Variants in MCU observed in about 807,000 individuals in gnomAD.
MCU encodes mitochondrial calcium uniporter, also known as calcium uniporter protein, mitochondrial.
A neutral mutation model predicts 45.2 loss-of-function variants in MCU; 12 were observed. The observed-to-expected ratio is 0.27, with a 90% CI of 0.17 to 0.43. The LOEUF (loss-of-function observed/expected upper bound fraction) is 0.43. Among genes scored for constraint, MCU ranks in the 20% least tolerant of loss-of-function variants. MCU has a pLI of 1.00. For synonymous variants in MCU, 160 were observed against 165.1 expected (o/e 0.97, Z 0.24); for missense variants, 324 against 436.7 (o/e 0.74, Z 2.30).
chr10:72,810,020 GTTTGTA>G (rs1564563676), intron 1 of MCU, among the ~76,000 whole-genome samples: 14 of 111,002 alleles, frequency 1.3e-4, no homozygotes, highest in Middle Eastern at 5.4e-3. Flanking sequence ...GTGTGTGTGT[GTTTGTA>G]TGTGTGTGCG....
intron 4 of MCU, among the ~76,000 whole-genome samples, chr10:72,862,722 A>C (rs1845397706): frequency 6.6e-6 from 1 of 151,984 alleles, no homozygotes; most frequent in Non-Finnish European, 1.5e-5. Flanking sequence ...GGGGTGGGGG[A>C]CCACTGCTGT....
chr10:72,860,345 G>A lies in MCU; in HGVS notation c.392-78G>A, dbSNP rs558361063. 49 of 1,253,630 alleles carry A rather than the reference G, an allele frequency of 3.9e-5. 1 individual carries two copies. In the East Asian group the frequency reaches 9.4e-4, roughly 24 times the overall value. 77.7% of individuals were successfully genotyped at this position (1,253,630 alleles called of 1,614,324 possible). A position where few individuals can be genotyped will look rare whatever the true frequency, so the allele number is the denominator to read the frequency against. The stretch of plus-strand genomic sequence containing the variant: ...AAAGGAAGAGGTAATTTTTAAAAAC[G>A]ATTTTGAAGATTGAATTTTCCTGAC... On this transcript the variant is annotated intron_variant, in intron 3 of 7. Transcript: ENST00000373053.
chr10:72,804,473 T>C (rs1410889942), intron 1 of MCU, among the ~76,000 whole-genome samples: 1 of 152,190 alleles, frequency 6.6e-6, no homozygotes, highest in Non-Finnish European at 1.5e-5. Context: ...AATTACCTGA[T>C]ACACTTCTAT....
chr10:72,779,429 A>AT, intron 1 of MCU, among the ~76,000 whole-genome samples: 1 of 152,364 alleles, frequency 6.6e-6, no homozygotes, highest in African/African-American at 2.4e-5. Flanking sequence ...AAAAGAGAAA[A>AT]TAGACTTCAT....
chr10:72,809,905 G>A (rs1380973703), intron 1 of MCU, among the ~76,000 whole-genome samples: 2 of 151,784 alleles, frequency 1.3e-5, no homozygotes, highest in Non-Finnish European at 2.9e-5. Context: ...GGAGGGAGGA[G>A]GTAGTCAGCA....
chr10:72,832,124 C>T (rs1222918202), intron 1 of MCU, among the ~76,000 whole-genome samples: 1 of 152,038 alleles, frequency 6.6e-6, no homozygotes, highest in Non-Finnish European at 1.5e-5. Flanking sequence ...TGGAGTGCAA[C>T]GGCACGATCA....
chr10:72,728,972 T>G (rs1355649828), intron 1 of MCU, among the ~76,000 whole-genome samples: 1 of 152,178 alleles, frequency 6.6e-6, no homozygotes, highest in Non-Finnish European at 1.5e-5. Flanking sequence ...GCCTTCTGTT[T>G]TTATTCTAGT....
In MCU at chr10:72,778,538, G is replaced by A. The variant is rs187345510; in HGVS notation, c.151-55821G>A. The stretch of plus-strand genomic sequence containing the variant: ...GGCTGGGAATGGTTGGAGCCGGGGG[G>A]TGGGGTTTGGGAGGCATGGGTAGAG... On this transcript the variant is annotated intron_variant, in intron 1 of 7. Coordinates refer to ENST00000373053, the MANE Select transcript of MCU (RefSeq NM_138357.3). 1.7e-4 allele frequency among the ~76,000 whole-genome samples: 26 copies of A among 152,232 alleles called. No individual in the cohort carries two copies. The East Asian group carries it at 4.4e-3, about 26-fold the overall frequency.
intron 1 of MCU, among the ~76,000 whole-genome samples, chr10:72,754,500 C>A (rs901674213): frequency 6.6e-6 from 1 of 152,170 alleles, no homozygotes; most frequent in Non-Finnish European, 1.5e-5. Context: ...CCTGTAATCT[C>A]AGCACTTTGG....
chr10:72,720,614 T>C (rs1441715628), intron 1 of MCU, among the ~76,000 whole-genome samples: 2 of 152,226 alleles, frequency 1.3e-5, no homozygotes, highest in Admixed American at 1.3e-4. Context: ...TTCCAATTTA[T>C]AGAATACTCC....
rs1368432991 is a variant in MCU at position 72,868,827 on chromosome 10, A to G, written c.621A>G (p.Leu207=). 1 of 1,614,154 alleles carries G rather than the reference A, an allele frequency of 6.2e-7. No individual in the cohort carries two copies. Among genetic ancestry groups the G allele is most frequent in the Non-Finnish European group, 8.5e-7 (1 of 1,180,018 alleles). The change falls in exon 5 of 8, where the codon CTA becomes CTG. Residue 207 remains leucine (L), a synonymous_variant. Coordinates refer to ENST00000373053, the MANE Select transcript of MCU (RefSeq NM_138357.3). The part of the protein sequence containing the change: ...LNKERELIER[L]EDLKEQLAPL... ...AGGAAAGGGAGCTTATTGAAAGACTAGAGGATCTCAAAGAGCAGCTGGCTC... is the reference window on the plus strand; with the variant it reads ...AGGAAAGGGAGCTTATTGAAAGACTGGAGGATCTCAAAGAGCAGCTGGCTC...
chr10:72,836,298 T>C (rs963238054), intron 2 of MCU, among the ~76,000 whole-genome samples: 1 of 152,198 alleles, frequency 6.6e-6, no homozygotes, highest in African/African-American at 2.4e-5. Flanking sequence ...TCACATGTTA[T>C]ACTACAGCTG....
At chr10:72,715,162 C>T (rs556678829) in intron 1 of MCU, 6 of 985,618 alleles carry the variant, frequency 6.1e-6, no homozygotes, top group African/African-American at 5.2e-5. Context: ...TTCTACCTCA[C>T]TCTCCATGTA....
Position 72,877,995 on chromosome 10 carries a change from T to C in MCU, c.862-6271T>C, listed in dbSNP as rs952545245. ...AAATTAGATTGAGGTAGTCCTGGAATACTGGTAATCCCCGAGTGCTGATGC... is the reference window on the plus strand; with the variant it reads ...AAATTAGATTGAGGTAGTCCTGGAACACTGGTAATCCCCGAGTGCTGATGC... On this transcript the variant is annotated intron_variant, in intron 6 of 7. Transcript: ENST00000373053. Among the ~76,000 whole-genome samples, 3 of 151,966 alleles carry C rather than the reference T, an allele frequency of 2.0e-5. No individual in the cohort carries two copies. The East Asian group carries it at 5.8e-4, about 29-fold the overall frequency.
chr10:72,861,187 G>A (rs1471939037), intron 4 of MCU, among the ~76,000 whole-genome samples: 4 of 151,800 alleles, frequency 2.6e-5, no homozygotes. Flanking sequence ...CACCATGCCT[G>A]GATAATTTTT....
intron 1 of MCU, among the ~76,000 whole-genome samples, chr10:72,734,386 T>C (rs985524816): frequency 2.0e-5 from 3 of 152,242 alleles, no homozygotes; most frequent in Non-Finnish European, 2.9e-5. Context: ...TATTTTTGTG[T>C]TGAAATAATA....
intron 1 of MCU, among the ~76,000 whole-genome samples, chr10:72,745,537 G>A (rs1190834286): frequency 6.6e-6 from 1 of 152,120 alleles, no homozygotes; most frequent in East Asian, 1.9e-4. Context: ...CCACTATTTG[G>A]TATTTTATAC....
chr10:72,847,227 G>A (rs1204998057), intron 2 of MCU, among the ~76,000 whole-genome samples: 2 of 152,060 alleles, frequency 1.3e-5, no homozygotes, highest in Non-Finnish European at 2.9e-5. Context: ...TGCCCGACTC[G>A]GCCTCCCAAA....
intron 1 of MCU, among the ~76,000 whole-genome samples, chr10:72,793,051 G>T (rs975500531): frequency 1.3e-5 from 2 of 152,028 alleles, no homozygotes; most frequent in African/African-American, 2.4e-5. Flanking sequence ...GCTAATTTTT[G>T]TATTTTTAGT....
Sources: allele counts gnomAD v4.1 joint callset (sites outside exome capture counted in the v4.1 genomes callset), GRCh38; gene constraint gnomAD v4.1.1; transcripts MANE v1.5; gene names NCBI Gene and HGNC (gene_info 2026-07-23, HGNC 2026-07-21).